The following GSDMC variants were observed in gnomAD, a reference collection of about 807,000 sequenced individuals.
The protein encoded by GSDMC is gasdermin C.
A neutral mutation model predicts 58.0 loss-of-function variants in GSDMC; 59 were observed. That is an observed-to-expected ratio of 1.02 (90% CI 0.82 to 1.26). The LOEUF is 1.26. Among genes scored for constraint, GSDMC ranks in the 50% most tolerant of loss-of-function variants. The pLI, the probability that GSDMC is intolerant of heterozygous loss-of-function variation, is 0.00. For missense variants in GSDMC, 659 were observed against 598.5 expected (o/e 1.10, Z -1.06); for synonymous variants, 241 against 220.2 (o/e 1.09, Z -0.83).
At chr8:129,729,041 T>C in the GSDMC span, 1 of 642,680 alleles carries the variant, frequency 1.6e-6, no homozygotes. Flanking sequence ...GTGCAGAGAA[T>C]GAAATAACTT....
At chr8:129,762,962 C>G (rs1262053232) in intron 4 of GSDMC, among the ~76,000 whole-genome samples, 1 of 152,068 alleles carries the variant, frequency 6.6e-6, no homozygotes, top group Non-Finnish European at 1.5e-5. Flanking sequence ...CCAGATTTAA[C>G]TATTTATTCT....
chr8:129,765,868 C>A, intron 3 of GSDMC, 75 bp from the exon 4 acceptor site: 1 of 1,258,028 alleles, frequency 7.9e-7, no homozygotes, highest in Admixed American at 2.0e-5. Flanking sequence ...GGGTGCCCTT[C>A]TCCCCAAGAC....
the GSDMC span, chr8:129,730,347 G>C: frequency 3.0e-6 from 4 of 1,314,342 alleles, no homozygotes; most frequent in Non-Finnish European, 3.2e-6. Context: ...TCTTGAAACT[G>C]TTATGCAAGG....
At chr8:129,712,175 A>G in the GSDMC span, among the ~76,000 whole-genome samples, 1 of 152,256 alleles carries the variant, frequency 6.6e-6, no homozygotes, top group Non-Finnish European at 1.5e-5. Flanking sequence ...GAATGCATGC[A>G]AAATGCATAG....
At chr8:129,730,732 T>C in the GSDMC span, among the ~76,000 whole-genome samples, 2 of 152,316 alleles carry the variant, frequency 1.3e-5, no homozygotes, top group South Asian at 4.1e-4. Context: ...TCCTACTTAA[T>C]GACAGCTTGA....
the GSDMC span, among the ~76,000 whole-genome samples, chr8:129,705,901 G>A: frequency 2.0e-5 from 3 of 152,120 alleles, no homozygotes; most frequent in Non-Finnish European, 4.4e-5. Context: ...TTGGCACTAA[G>A]GTCATGCTTA....
Position 129,748,460 on chromosome 8 carries a change from G to A in GSDMC, c.*41C>T, listed in dbSNP as rs761162492. 1.7e-5 allele frequency: 26 copies of A among 1,558,612 alleles called. No individual in the cohort carries two copies. Among genetic ancestry groups the A allele is most frequent in the African/African-American group, 4.1e-5 (3 of 73,124 alleles). ...AGGACACTCACAGCATAGACTGGGCGAGGGCCAGCATCTCTGGACTGACTG... is the reference window on the plus strand; with the variant it reads ...AGGACACTCACAGCATAGACTGGGCAAGGGCCAGCATCTCTGGACTGACTG... On this transcript the variant is annotated 3_prime_UTR_variant, in exon 14 of 14. Transcript: ENST00000276708.
chr8:129,741,116 C>A, the GSDMC span, among the ~76,000 whole-genome samples: 790 of 152,188 alleles, frequency 5.2e-3, 10 homozygotes, highest in African/African-American at 0.018. Context: ...TTCCCCATTA[C>A]GCATTCTTGG....
chr8:129,732,975 A>G, the GSDMC span, among the ~76,000 whole-genome samples: 2 of 152,206 alleles, frequency 1.3e-5, no homozygotes, highest in Admixed American at 6.5e-5. Context: ...TGCTTTTCCA[A>G]TGGTCTTAGC....
In GSDMC at chr8:129,749,512, G is replaced by A. The variant is rs372348756; in HGVS notation, c.1227C>T (p.Phe409=). Residue 409 remains phenylalanine, a synonymous_variant, in exon 13 of 14, where the codon TTC becomes TTT. Transcript: ENST00000276708. ...LLEAIMVLSD[F]QHDLLACSME... ...TGGAACAGGCCAGCAAATCGTGTTG[G>A]AAGTCACTCAGCACTGAGGGTGGGG... 1.9e-6 allele frequency: 3 copies of A among 1,613,464 alleles called. No homozygotes were observed. The highest frequency in any genetic ancestry group is 2.7e-5 in the African/African-American group (2 of 74,912).
At chr8:129,752,669 A>G in intron 7 of GSDMC, 29 bp downstream of exon 7, 9 of 1,612,986 alleles carry the variant, frequency 5.6e-6, no homozygotes, top group Non-Finnish European at 7.6e-6. Context: ...TCAACATAGA[A>G]GTAAAAATAA....
Position 129,748,754 on chromosome 8 carries a change from G to A in GSDMC, c.1288-14C>T. 4.6e-6 allele frequency: 7 copies of A among 1,506,664 alleles called. No individual in the cohort carries two copies. Among genetic ancestry groups the A allele is most frequent in the Non-Finnish European group, 5.3e-6 (6 of 1,129,914 alleles). 93.3% of individuals were successfully genotyped at this position (1,506,664 alleles called of 1,614,324 possible). ...GATGCTCCTTACCTAGAAGAAAGAT[G>A]ATCAGGTTCTACAGACCAGCCTTTA... On this transcript the variant is annotated splice_polypyrimidine_tract_variant and intron_variant, in intron 13 of 13. Coordinates refer to ENST00000276708, the MANE Select transcript of GSDMC (RefSeq NM_031415.3).
At chr8:129,756,098 A>G (rs2033422170) in intron 6 of GSDMC, among the ~76,000 whole-genome samples, 1 of 151,812 alleles carries the variant, frequency 6.6e-6, no homozygotes, top group South Asian at 2.1e-4. Context: ...ATGATCTGTT[A>G]CCTACAAAAA....
At chr8:129,762,155 G>C (rs1441572850) in intron 5 of GSDMC, among the ~76,000 whole-genome samples, 2 of 152,206 alleles carry the variant, frequency 1.3e-5, no homozygotes, top group East Asian at 1.9e-4. Context: ...AGGAGGGAAA[G>C]ATGTAGATAA....
Position 129,771,751 on chromosome 8 carries a change from T to G in GSDMC, c.404+4351A>C, listed in dbSNP as rs546511356. ...ATCATAACAAGGAATTTCAGAAAAT[T>G]CACAAATATGTGGAAACTAAACTGA... is the stretch of plus-strand genomic sequence containing the variant. On this transcript the variant is annotated intron_variant, in intron 3 of 13. Coordinates refer to ENST00000276708, the MANE Select transcript of GSDMC (RefSeq NM_031415.3). Among the ~76,000 whole-genome samples, 3 of 151,492 alleles carry G rather than the reference T, an allele frequency of 2.0e-5. No homozygotes were observed. In the South Asian group the frequency reaches 6.2e-4, roughly 32 times the overall value.
intron 9 of GSDMC, 65 bp from the exon 10 acceptor site, chr8:129,751,633 T>C (rs2033196629): frequency 6.8e-7 from 1 of 1,475,026 alleles, no homozygotes; most frequent in Non-Finnish European, 9.5e-7. Context: ...TCAGATGTTT[T>C]GGAGGGTTCT....
intron 3 of GSDMC, among the ~76,000 whole-genome samples, chr8:129,767,094 G>C (rs2033887906): frequency 6.6e-6 from 1 of 152,116 alleles, no homozygotes; most frequent in Non-Finnish European, 1.5e-5. Flanking sequence ...GGCAGTTTCT[G>C]TCTGGCTTGC....
the GSDMC span, chr8:129,729,291 A>G: frequency 1.7e-6 from 1 of 593,554 alleles, no homozygotes; most frequent in Admixed American, 2.2e-5. Context: ...TCAGAAGCCT[A>G]TAGGCACATG....
the GSDMC span, among the ~76,000 whole-genome samples, chr8:129,721,847 G>A: frequency 1.3e-5 from 2 of 152,168 alleles, no homozygotes; most frequent in African/African-American, 2.4e-5. Context: ...ATGAATGATC[G>A]TTGTGGTTTC....
Sources: allele counts gnomAD v4.1 joint callset (sites outside exome capture counted in the v4.1 genomes callset), GRCh38; gene constraint gnomAD v4.1.1; transcripts MANE v1.5; gene names NCBI Gene and HGNC (gene_info 2026-07-23, HGNC 2026-07-21).